DEFB1: variants seen among roughly 807,000 people sequenced by gnomAD.
DEFB1 encodes the protein beta-defensin 1.
A neutral mutation model predicts 2.6 loss-of-function variants in DEFB1; 4 were observed. The observed-to-expected ratio is 1.53, with a 90% confidence interval of 0.76 to 3.51. DEFB1 has a LOEUF of 3.51. DEFB1 is among the 30% of genes most tolerant of loss of function. The pLI, the probability that DEFB1 is intolerant of heterozygous loss-of-function variation, is 0.01. For missense variants in DEFB1, 162 were observed against 76.9 expected (o/e 2.11, Z -4.14); for synonymous variants, 56 against 28.5 (o/e 1.96, Z -3.07).
At chr8:6,874,045 T>C (rs554007241) in intron 1 of DEFB1, among the ~76,000 whole-genome samples, 20 of 152,276 alleles carry the variant, frequency 1.3e-4, no homozygotes, top group African/African-American at 4.6e-4. Context: ...GTAATCTAAA[T>C]GCTTCTGAAG....
In DEFB1 at chr8:6,870,697, G is replaced by A. The variant is rs745828135; in HGVS notation, c.191C>T (p.Ala64Val). 1 of 1,614,062 alleles carries A rather than the reference G, an allele frequency of 6.2e-7. No individual in the cohort carries two copies. Among genetic ancestry groups the A allele is most frequent in the Non-Finnish European group, 8.5e-7 (1 of 1,180,004 alleles). ...ACTCCCAGCTCACTTGCAGCACTTGGCCTTCCCTCTGTAACAGGTGCCTTG... is the reference window on the plus strand; with the variant it reads ...ACTCCCAGCTCACTTGCAGCACTTGACCTTCCCTCTGTAACAGGTGCCTTG... Reference protein sequence around the residue: ...KIQGTCYRGKAKCCK With the variant: ...KIQGTCYRGKVKCCK The change falls in exon 2 of 2, where the codon GCC becomes GTC. Residue 64 changes from alanine (A) to valine (V), a missense_variant. Ala to Val is a moderately conservative substitution (Grantham distance 64, BLOSUM62 0). Transcript: ENST00000297439.
chr8:6,874,886 G>A (rs5743458), intron 1 of DEFB1, among the ~76,000 whole-genome samples: 63 of 152,122 alleles, frequency 4.1e-4, no homozygotes, highest in African/African-American at 1.4e-3. Context: ...GGAGGCTGAG[G>A]CAGGAGAATC....
At chr8:6,874,386 C>G (rs890933563) in intron 1 of DEFB1, among the ~76,000 whole-genome samples, 20 of 152,176 alleles carry the variant, frequency 1.3e-4, no homozygotes, top group African/African-American at 4.6e-4. Flanking sequence ...CTGGTTCAAC[C>G]AAATACCATG....
intron 1 of DEFB1, among the ~76,000 whole-genome samples, chr8:6,871,530 T>G (rs1806314414): frequency 6.6e-6 from 1 of 152,134 alleles, no homozygotes; most frequent in South Asian, 2.1e-4. Flanking sequence ...TCTCCACTGG[T>G]AGGCGTTTTG....
intron 1 of DEFB1, among the ~76,000 whole-genome samples, chr8:6,874,840 G>C (rs900871630): frequency 2.0e-5 from 3 of 152,054 alleles, no homozygotes; most frequent in African/African-American, 4.8e-5. Flanking sequence ...AAATTAGCCA[G>C]GTGTGGTGAC....
chr8:6,877,134 G>C (rs1245445094), intron 1 of DEFB1, among the ~76,000 whole-genome samples: 1 of 152,154 alleles, frequency 6.6e-6, no homozygotes, highest in Non-Finnish European at 1.5e-5. Flanking sequence ...ACAAGGATAG[G>C]GCTGGGATAA....
chr8:6,877,603 C>T (rs893049690), intron 1 of DEFB1, among the ~76,000 whole-genome samples, 194 bp downstream of exon 1: 4 of 152,220 alleles, frequency 2.6e-5, no homozygotes, highest in African/African-American at 4.8e-5. Flanking sequence ...CACTCCTTGG[C>T]GGCTCACAGA....
intron 1 of DEFB1, 52 bp downstream of exon 1, chr8:6,877,745 C>A: frequency 6.6e-7 from 1 of 1,510,162 alleles, no homozygotes; most frequent in Non-Finnish European, 9.2e-7. Context: ...CACATCAGCC[C>A]CATTGTCCCC....
At chr8:6,871,592 T>A (rs1308344500) in intron 1 of DEFB1, among the ~76,000 whole-genome samples, 1 of 152,166 alleles carries the variant, frequency 6.6e-6, no homozygotes, top group Non-Finnish European at 1.5e-5. Flanking sequence ...GCCCTAACAG[T>A]GCCTCAGAAG....
At position 6,877,843 on chromosome 8, in the gene DEFB1, G is replaced by T; in HGVS notation, c.15C>A (p.Tyr5Ter). ...GTAAGCAGAGAGTAAACAGCAGAAGGTAGGAAGTTCTCATGGCGACTGGCA... is the reference window on the plus strand; with the variant it reads ...GTAAGCAGAGAGTAAACAGCAGAAGTTAGGAAGTTCTCATGGCGACTGGCA... MRTS[Y>*]LLLFTLCLLL... Residue 5 changes from tyrosine (Y) to a stop codon, truncating the protein, a stop_gained, in exon 1 of 2, where the codon TAC (tyrosine) becomes TAA (stop). Coordinates refer to ENST00000297439, the MANE Select transcript of DEFB1 (RefSeq NM_005218.4). LOFTEE classifies it low-confidence loss of function (END_TRUNC). The T allele has an allele frequency of 4.3e-6, 7 of 1,614,044 alleles. No homozygotes were observed. The highest frequency in any genetic ancestry group is 5.9e-6 in the Non-Finnish European group (7 of 1,179,938).
chr8:6,870,689 A>T lies in DEFB1; in HGVS notation c.199T>A (p.Cys67Ser), dbSNP rs1800968. 924 of 1,613,888 alleles carry T rather than the reference A, an allele frequency of 5.7e-4. 2 individuals are homozygous for T. The highest frequency in any genetic ancestry group is 8.3e-4 in the Middle Eastern group (5 of 6,056). ...GTCYRGKAKC[C>S]K is the part of the protein sequence containing the mutation. ...TTCTGGTCACTCCCAGCTCACTTGC[A>T]GCACTTGGCCTTCCCTCTGTAACAG... The change falls in exon 2 of 2, where the codon TGC becomes AGC. Residue 67 changes from cysteine (C) to serine (S), a missense_variant. Coordinates refer to ENST00000297439, the MANE Select transcript of DEFB1 (RefSeq NM_005218.4).
intron 1 of DEFB1, among the ~76,000 whole-genome samples, chr8:6,873,947 A>C (rs1374714154): frequency 6.6e-6 from 1 of 152,192 alleles, no homozygotes; most frequent in African/African-American, 2.4e-5. Flanking sequence ...ACTTGCCTTT[A>C]ACATTTTCAT....
Position 6,870,792 on chromosome 8 carries a change from A to T in DEFB1, c.96T>A (p.Ser32=). The T allele has an allele frequency of 6.2e-7, 1 of 1,614,124 alleles. No homozygotes were observed. The highest frequency in any genetic ancestry group is 1.3e-5 in the African/African-American group (1 of 75,064). The change falls in exon 2 of 2, where the codon TCT becomes TCA. Residue 32 remains serine, a synonymous_variant. Transcript: ENST00000297439. The part of the protein sequence containing the change: ...GNFLTGLGHR[S]DHYNCVSSGG... ...CACTGCTGACGCAATTGTAATGATC[A>T]GATCTGTGGCCAAGGCCTGTGAGAA...
intron 1 of DEFB1, 46 bp from the exon 2 acceptor site, chr8:6,870,872 G>A (rs1191957802): frequency 1.3e-6 from 2 of 1,563,918 alleles, no homozygotes; most frequent in East Asian, 4.5e-5. Flanking sequence ...GCTTGTAGCT[G>A]CAACGATTTG....
intron 1 of DEFB1, among the ~76,000 whole-genome samples, chr8:6,877,341 G>T (rs1806569590): frequency 6.6e-6 from 1 of 152,196 alleles, no homozygotes; most frequent in South Asian, 2.1e-4. Flanking sequence ...TGAGTCCAAG[G>T]CACCGGCTGA....
At chr8:6,874,041 TA>T (rs1042779402) in intron 1 of DEFB1, among the ~76,000 whole-genome samples, 1 of 152,170 alleles carries the variant, frequency 6.6e-6, no homozygotes, top group Non-Finnish European at 1.5e-5. Flanking sequence ...TAGTGTAATC[TA>T]AATGCTTCTG....
chr8:6,874,519 A>C (rs1379214391), intron 1 of DEFB1, among the ~76,000 whole-genome samples: 1 of 152,250 alleles, frequency 6.6e-6, no homozygotes, highest in East Asian at 1.9e-4. Context: ...CTGTATTTCA[A>C]GACTAAGTGT....
intron 1 of DEFB1, among the ~76,000 whole-genome samples, chr8:6,871,914 C>T (rs1422775007): frequency 6.6e-6 from 1 of 152,142 alleles, no homozygotes; most frequent in African/African-American, 2.4e-5. Context: ...AATCTGGTAG[C>T]CTGAGCGGAC....
Position 6,870,795 on chromosome 8 carries a change from T to C in DEFB1, c.93A>G (p.Arg31=). Residue 31 remains arginine (R), a synonymous_variant, in exon 2 of 2, where the codon AGA becomes AGG. Coordinates refer to ENST00000297439, the MANE Select transcript of DEFB1 (RefSeq NM_005218.4). ...GGNFLTGLGH[R]SDHYNCVSSG... ...TGCTGACGCAATTGTAATGATCAGATCTGTGGCCAAGGCCTGTGAGAAAGT... is the reference window on the plus strand; with the variant it reads ...TGCTGACGCAATTGTAATGATCAGACCTGTGGCCAAGGCCTGTGAGAAAGT... The C allele has an allele frequency of 1.9e-6, 3 of 1,614,038 alleles. No individual in the cohort carries two copies. The highest frequency in any genetic ancestry group is 2.5e-6 in the Non-Finnish European group (3 of 1,179,998).
Sources: allele counts gnomAD v4.1 joint callset (sites outside exome capture counted in the v4.1 genomes callset), GRCh38; gene constraint gnomAD v4.1.1; transcripts MANE v1.5; gene names NCBI Gene and HGNC (gene_info 2026-07-23, HGNC 2026-07-21).